The following TMEM120B variants were observed in gnomAD, a reference collection of about 807,000 sequenced individuals.
The protein encoded by TMEM120B is transmembrane protein 120B.
Under a neutral mutation model 55.5 loss-of-function variants are expected in TMEM120B, and 31 were observed. The ratio of observed to expected loss-of-function variants is 0.56; its 90% CI spans 0.42 to 0.75. TMEM120B has a LOEUF of 0.75. TMEM120B is among the 30% of genes least tolerant of loss of function. The pLI, the probability that TMEM120B is intolerant of heterozygous loss-of-function variation, is 0.00. For synonymous variants in TMEM120B, 203 were observed against 176.3 expected (o/e 1.15, Z -1.20); for missense variants, 399 against 425.5 (o/e 0.94, Z 0.55).
At chr12:121,715,050 G>A (rs1894673731) in intron 1 of TMEM120B, among the ~76,000 whole-genome samples, 1 of 152,102 alleles carries the variant, frequency 6.6e-6, no homozygotes, top group South Asian at 2.1e-4. Context: ...TAACACTTCA[G>A]AGTGAGGCCC....
At chr12:121,748,492 T>A (rs1050242415) in intron 3 of TMEM120B, 50 bp downstream of exon 3, 4 of 1,280,968 alleles carry the variant, frequency 3.1e-6, no homozygotes, top group Non-Finnish European at 4.4e-6. Flanking sequence ...TGCCCAGGCC[T>A]AGCACAGCTG....
chr12:121,735,599 A>G (rs1390802951), intron 1 of TMEM120B, among the ~76,000 whole-genome samples: 1 of 151,686 alleles, frequency 6.6e-6, no homozygotes, highest in Non-Finnish European at 1.5e-5. Context: ...GGGTTTCACA[A>G]TGTTGGCCAG....
Position 121,712,762 on chromosome 12 carries a change from G to A in TMEM120B, c.-134G>A, listed in dbSNP as rs1008584046. The A allele has an allele frequency of 1.8e-5, 9 of 503,826 alleles. No homozygotes were observed. Among genetic ancestry groups the A allele is most frequent in the African/African-American group, 1.6e-4 (8 of 48,580 alleles). 31.2% of individuals were successfully genotyped at this position (503,826 alleles called of 1,614,324 possible). A position where few individuals can be genotyped will look rare whatever the true frequency, so the allele number is the denominator to read the frequency against. ...CGGGGCCGTGACGTCAGTTGCGCGC[G>A]TGGCTCTGGCTGCGCAGGAACAGCT... On this transcript the variant is annotated 5_prime_UTR_variant, in exon 1 of 12. It adds an upstream start codon to the 5' untranslated region. Coordinates refer to ENST00000449592, the MANE Select transcript of TMEM120B (RefSeq NM_001080825.2).
At chr12:121,721,923 C>G (rs1205491363) in intron 1 of TMEM120B, among the ~76,000 whole-genome samples, 1 of 146,528 alleles carries the variant, frequency 6.8e-6, no homozygotes, top group Non-Finnish European at 1.5e-5. Flanking sequence ...ATTTTCCTGC[C>G]TCAGCCTCCT....
intron 5 of TMEM120B, among the ~76,000 whole-genome samples, chr12:121,760,196 G>A (rs1265670698): frequency 6.6e-6 from 1 of 150,990 alleles, no homozygotes; most frequent in Non-Finnish European, 1.5e-5. Flanking sequence ...CCAGCTACTC[G>A]GGAGGCTGAG....
rs1894752802 is a variant in TMEM120B, at chr12:121,719,260, G to T, written c.69+6296G>T. 2.6e-5 allele frequency among the ~76,000 whole-genome samples: 4 copies of T among 152,016 alleles called. No homozygotes were observed. In the South Asian group the frequency reaches 8.3e-4, roughly 31 times the overall value. On this transcript the variant is annotated intron_variant, in intron 1 of 11. Transcript: ENST00000449592. ...TGGTAGTTTAAAAAAAAAAAACAGA[G>T]AGAGGGATGCTGGACAGGCACCTTT...
Position 121,725,241 on chromosome 12 carries a change from G to C in TMEM120B, c.69+12277G>C, listed in dbSNP as rs865775347. ...TTTTCTTCCACAACTGTCTATCAGT[G>C]CCCCCAGCACTCTAAGTTAAATTTT... On this transcript the variant is annotated intron_variant, in intron 1 of 11. Coordinates refer to ENST00000449592, the MANE Select transcript of TMEM120B (RefSeq NM_001080825.2). Among the ~76,000 whole-genome samples the C allele has an allele frequency of 2.0e-5, 3 of 152,182 alleles. No homozygotes were observed. In the South Asian group the frequency reaches 6.2e-4, roughly 32 times the overall value.
At chr12:121,750,875 CACACA>C (rs2137195609) in intron 4 of TMEM120B, among the ~76,000 whole-genome samples, 1 of 128,644 alleles carries the variant, frequency 7.8e-6, no homozygotes, top group Non-Finnish European at 1.7e-5. Context: ...ACACCCACAC[CACACA>C]CCACACCCCA....
Position 121,745,942 on chromosome 12 carries a change from C to A in TMEM120B, c.188+2195C>A, listed in dbSNP as rs974386760. Among the ~76,000 whole-genome samples the A allele has an allele frequency of 6.6e-5, 10 of 151,958 alleles. 1 individual carries two copies. Among genetic ancestry groups the A allele is most frequent in the Admixed American group, 5.2e-4 (8 of 15,244 alleles). On this transcript the variant is annotated intron_variant, in intron 2 of 11. Coordinates refer to ENST00000449592, the MANE Select transcript of TMEM120B (RefSeq NM_001080825.2). ...AGTGGTGCTATCTTGGCTCACTGAA[C>A]CTCTGCCTCCCGGGTTCAAGTGATT...
At chr12:121,721,667 A>G (rs1364196519) in intron 1 of TMEM120B, among the ~76,000 whole-genome samples, 1 of 148,816 alleles carries the variant, frequency 6.7e-6, no homozygotes, top group Non-Finnish European at 1.5e-5. Context: ...ATGGGGTTTC[A>G]CCATGTTGGC....
chr12:121,750,244 T>C, intron 3 of TMEM120B, 136 bp from the exon 4 acceptor site: 2 of 789,658 alleles, frequency 2.5e-6, no homozygotes, highest in East Asian at 2.4e-5. Flanking sequence ...TGGGGGCCCA[T>C]TTGCCCGCTG....
At chr12:121,757,896 A>T (rs1592941783) in intron 5 of TMEM120B, among the ~76,000 whole-genome samples, 1 of 152,132 alleles carries the variant, frequency 6.6e-6, no homozygotes, top group African/African-American at 2.4e-5. Flanking sequence ...CAAGTGATCC[A>T]CCCACGTTAG....
chr12:121,768,858 C>T (rs942245433), intron 6 of TMEM120B, among the ~76,000 whole-genome samples: 2 of 152,144 alleles, frequency 1.3e-5, no homozygotes, highest in Admixed American at 6.5e-5. Flanking sequence ...CAGGAGCCCC[C>T]AGCTGGGCCG....
At chr12:121,769,012 G>A (rs547417907) in intron 6 of TMEM120B, among the ~76,000 whole-genome samples, 1 of 152,220 alleles carries the variant, frequency 6.6e-6, no homozygotes, top group South Asian at 2.1e-4. Context: ...CAGGTGTGGT[G>A]GCAGGCGCCT....
At chr12:121,742,798 G>C (rs1017890424) in intron 1 of TMEM120B, among the ~76,000 whole-genome samples, 1 of 151,970 alleles carries the variant, frequency 6.6e-6, no homozygotes, top group African/African-American at 2.4e-5. Context: ...GGCTGGTCTC[G>C]AACTCCTGAC....
intron 6 of TMEM120B, among the ~76,000 whole-genome samples, chr12:121,770,333 G>A (rs1231083755): frequency 6.6e-6 from 1 of 152,006 alleles, no homozygotes; most frequent in Non-Finnish European, 1.5e-5. Flanking sequence ...ACTGGACTAG[G>A]GCCCACCAGT....
intron 6 of TMEM120B, among the ~76,000 whole-genome samples, chr12:121,769,312 C>G (rs1190623070): frequency 6.6e-6 from 1 of 152,078 alleles, no homozygotes; most frequent in Non-Finnish European, 1.5e-5. Flanking sequence ...GGGCATGTAG[C>G]TCCTGGGGAG....
At chr12:121,716,309 CAAAA>C (rs1278926360) in intron 1 of TMEM120B, among the ~76,000 whole-genome samples, 3 of 120,796 alleles carry the variant, frequency 2.5e-5, no homozygotes, top group Admixed American at 8.8e-5. Context: ...CCCTCTCTCT[CAAAA>C]AAAAAAAAAA....
At chr12:121,715,444 T>C (rs1894682653) in intron 1 of TMEM120B, among the ~76,000 whole-genome samples, 1 of 152,216 alleles carries the variant, frequency 6.6e-6, no homozygotes, top group Non-Finnish European at 1.5e-5. Context: ...AAGGAGTTGT[T>C]TGACTCTTTC....
Sources: allele counts gnomAD v4.1 joint callset (sites outside exome capture counted in the v4.1 genomes callset), GRCh38; gene constraint gnomAD v4.1.1; transcripts MANE v1.5; gene names NCBI Gene and HGNC (gene_info 2026-07-23, HGNC 2026-07-21).